Variants in METTL25 observed in about 807,000 individuals in gnomAD.
METTL25 encodes the protein probable methyltransferase-like protein 25.
Under a neutral mutation model 71.6 loss-of-function variants are expected in METTL25, and 64 were observed. The ratio of observed to expected loss-of-function variants is 0.89; its 90% confidence interval spans 0.73 to 1.10. The LOEUF is 1.10. Among genes scored for constraint, METTL25 ranks in the 50% least tolerant of loss-of-function variants. METTL25 has a pLI of 0.00. For missense variants in METTL25, 807 were observed against 707.0 expected (o/e 1.14, Z -1.60); for synonymous variants, 287 against 250.3 (o/e 1.15, Z -1.38).
At chr12:82,399,517 A>C in intron 4 of METTL25, 123 bp downstream of exon 4, 2 of 790,326 alleles carry the variant, frequency 2.5e-6, no homozygotes, top group African/African-American at 1.7e-5. Flanking sequence ...AGAAAATGAA[A>C]TCATAAGTAG....
At chr12:82,383,356 T>C (rs1016970399) in intron 1 of METTL25, among the ~76,000 whole-genome samples, 24 of 144,274 alleles carry the variant, frequency 1.7e-4, no homozygotes, top group African/African-American at 6.1e-4. Context: ...TCTTTGTTTG[T>C]CCACTGTACT....
chr12:82,385,255 T>C (rs1043105535), intron 1 of METTL25, among the ~76,000 whole-genome samples: 1 of 152,160 alleles, frequency 6.6e-6, no homozygotes, highest in Non-Finnish European at 1.5e-5. Flanking sequence ...CTACAAACCC[T>C]CATCACTTAT....
intron 1 of METTL25, among the ~76,000 whole-genome samples, chr12:82,372,596 G>A (rs1401396890): frequency 6.6e-6 from 1 of 152,144 alleles, no homozygotes; most frequent in Non-Finnish European, 1.5e-5. Context: ...CTGCCCTCAG[G>A]TGGCCATTTT....
chr12:82,407,698 C>A, intron 5 of METTL25: 1 of 405,400 alleles, frequency 2.5e-6, no homozygotes, highest in Non-Finnish European at 3.3e-6. Flanking sequence ...ACGTATGCAA[C>A]GTGAGTACCC....
intron 4 of METTL25, among the ~76,000 whole-genome samples, chr12:82,401,192 T>G (rs1345013917): frequency 1.3e-5 from 2 of 152,098 alleles, no homozygotes; most frequent in East Asian, 3.8e-4. Flanking sequence ...TAAGTTTGAT[T>G]ACAGCTGTCT....
chr12:82,472,496 G>A (rs1892629051), intron 9 of METTL25, among the ~76,000 whole-genome samples: 1 of 152,128 alleles, frequency 6.6e-6, no homozygotes, highest in African/African-American at 2.4e-5. Flanking sequence ...TACTTGGGAG[G>A]CTGAGGCAGG....
rs543233076 is a variant in METTL25 at position 82,424,100 on chromosome 12, AG to A, written c.1280-6792del. ...ACACATGCACACATATGTTTATTGCAGCACTACTCACAATAGCAAAGACTTG... is the reference window on the plus strand; with the variant it reads ...ACACATGCACACATATGTTTATTGCACACTACTCACAATAGCAAAGACTTG... On this transcript the variant is annotated intron_variant, in intron 5 of 11. Transcript: ENST00000248306. Among the ~76,000 whole-genome samples, 147 of 152,288 alleles carry A rather than the reference AG, an allele frequency of 9.7e-4. 1 individual carries two copies. Among genetic ancestry groups the A allele is most frequent in the African/African-American group, 3.5e-3 (144 of 41,568 alleles).
At chr12:82,443,588 A>G (rs1890521075) in intron 8 of METTL25, among the ~76,000 whole-genome samples, 1 of 152,194 alleles carries the variant, frequency 6.6e-6, no homozygotes. Context: ...AGGCTGAGTA[A>G]TTTATAAAGA....
Position 82,438,708 on chromosome 12 carries a change from T to A in METTL25, c.1405-10T>A. Reference sequence around the variant, plus strand: ...TTTCTTGTGCTTATATATGTCTACATTTTTTTCAGCTGCCTACTGAATCAC... The same window carrying A: ...TTTCTTGTGCTTATATATGTCTACAATTTTTTCAGCTGCCTACTGAATCAC... On this transcript the variant is annotated splice_polypyrimidine_tract_variant and intron_variant, in intron 7 of 11. Transcript: ENST00000248306. The A allele has an allele frequency of 1.4e-6, 2 of 1,458,238 alleles. No individual in the cohort carries two copies. Among genetic ancestry groups the A allele is most frequent in the African/African-American group, 1.4e-5 (1 of 68,982 alleles). The allele number at this position is 1,458,238 out of a possible 1,614,324, so 90.3% of individuals were successfully genotyped here. A position where few individuals can be genotyped will look rare whatever the true frequency, so the allele number is the denominator to read the frequency against.
At chr12:82,397,636 A>AT (rs969692248) in intron 3 of METTL25, among the ~76,000 whole-genome samples, 4 of 151,732 alleles carry the variant, frequency 2.6e-5, no homozygotes, top group African/African-American at 9.7e-5. Context: ...GCAGACAAAA[A>AT]TTTTTTTTCT....
At chr12:82,411,430 T>C (rs902195593) in intron 5 of METTL25, among the ~76,000 whole-genome samples, 1 of 152,006 alleles carries the variant, frequency 6.6e-6, no homozygotes, top group Non-Finnish European at 1.5e-5. Context: ...GAATCAAGTT[T>C]TGGGGCAAAG....
intron 8 of METTL25, among the ~76,000 whole-genome samples, chr12:82,440,190 A>G (rs1753512503): frequency 6.6e-6 from 1 of 151,910 alleles, no homozygotes; most frequent in African/African-American, 2.4e-5. Context: ...AGTTATATCT[A>G]GCCATTCTTT....
intron 2 of METTL25, among the ~76,000 whole-genome samples, chr12:82,387,945 C>T (rs1345812709): frequency 6.6e-6 from 1 of 151,548 alleles, no homozygotes; most frequent in African/African-American, 2.4e-5. Context: ...CTTTTAGAGC[C>T]ATTTTTTTTT....
At position 82,396,306 on chromosome 12, in the gene METTL25, A is replaced by G. The variant is rs564013780; in HGVS notation, c.532-2489A>G. Reference sequence around the variant, plus strand: ...TACCTATCCTAGAATAATAACATAAAATGGAAGTATAGGGAATAATTACTA... The same window carrying G: ...TACCTATCCTAGAATAATAACATAAGATGGAAGTATAGGGAATAATTACTA... On this transcript the variant is annotated intron_variant, in intron 3 of 11. Coordinates refer to ENST00000248306, the MANE Select transcript of METTL25 (RefSeq NM_032230.3). 1.6e-4 allele frequency among the ~76,000 whole-genome samples: 24 copies of G among 152,188 alleles called. No individual in the cohort carries two copies. In the South Asian group the frequency reaches 4.3e-3, roughly 28 times the overall value.
chr12:82,476,692 A>T lies in METTL25; in HGVS notation c.1621A>T (p.Met541Leu). 4.4e-6 allele frequency: 7 copies of T among 1,599,294 alleles called. No individual in the cohort carries two copies. The highest frequency in any genetic ancestry group is 6.0e-6 in the Non-Finnish European group (7 of 1,173,798). The change falls in exon 10 of 12, where the codon ATG becomes TTG. Residue 541 changes from methionine (M) to leucine (L), a missense_variant. Transcript: ENST00000248306. ...MNYYEKYKPR[M>L]NELEAFNMLK... ...CTACTACGAGAAGTATAAGCCTCGA[A>T]TGAATGAGCTGGAAGCTTTTAATAT...
At chr12:82,369,088 G>T (rs1166157081) in intron 1 of METTL25, among the ~76,000 whole-genome samples, 1 of 151,982 alleles carries the variant, frequency 6.6e-6, no homozygotes, top group African/African-American at 2.4e-5. Flanking sequence ...TTTGTTCATG[G>T]TATCCTGTTT....
chr12:82,361,318 A>G (rs548997846), intron 1 of METTL25, among the ~76,000 whole-genome samples: 1 of 152,210 alleles, frequency 6.6e-6, no homozygotes, highest in East Asian at 1.9e-4. Context: ...AGTTTATCCA[A>G]GTCCCCACTA....
chr12:82,366,392 T>G (rs957038929), intron 1 of METTL25, among the ~76,000 whole-genome samples: 8 of 152,214 alleles, frequency 5.3e-5, no homozygotes, highest in Non-Finnish European at 4.4e-5. Context: ...TGACGCCATA[T>G]GCTGCTTCTC....
At chr12:82,440,414 C>A (rs767031679) in intron 8 of METTL25, among the ~76,000 whole-genome samples, 7 of 151,990 alleles carry the variant, frequency 4.6e-5, no homozygotes, top group African/African-American at 1.4e-4. Context: ...CAATTCTATT[C>A]TTTTCTTCTT....
Sources: gnomAD v4.1 joint callset for allele counts (sites outside exome capture counted in the v4.1 genomes callset) on GRCh38, gnomAD v4.1.1 for gene constraint, MANE v1.5 for transcripts, NCBI Gene and HGNC (gene_info 2026-07-23, HGNC 2026-07-21) for gene names.